The following TMEM108 variants were observed in gnomAD, a reference collection of about 807,000 sequenced individuals.
TMEM108 encodes the protein transmembrane protein 108.
In TMEM108, 12 loss-of-function variants were observed where a neutral mutation model predicts 35.1. That is an observed-to-expected ratio of 0.34 (90% CI 0.22 to 0.55). The LOEUF (loss-of-function observed/expected upper bound fraction) is 0.55, where lower values mean the gene tolerates loss of function less well. Among genes scored for constraint, TMEM108 ranks in the 20% least tolerant of loss-of-function variants. The probability of loss-of-function intolerance (pLI) is 0.89; values close to 1 mark genes in which losing one functional copy is unlikely to be tolerated. For synonymous variants in TMEM108, 287 were observed against 308.6 expected (o/e 0.93, Z 0.73); for missense variants, 680 against 753.3 (o/e 0.90, Z 1.14).
chr3:133,326,208 G>A (rs2071330798), intron 3 of TMEM108, among the ~76,000 whole-genome samples: 1 of 152,194 alleles, frequency 6.6e-6, no homozygotes, highest in Non-Finnish European at 1.5e-5. Context: ...TTGGGGGCAA[G>A]CCTGGGCACA....
At position 133,232,646 on chromosome 3, in the gene TMEM108, G is replaced by T. The variant is rs537196685; in HGVS notation, c.40+3295G>T. 4.6e-5 allele frequency among the ~76,000 whole-genome samples: 7 copies of T among 152,322 alleles called. No homozygotes were observed. In the East Asian group the frequency reaches 1.3e-3, roughly 29 times the overall value. The stretch of plus-strand genomic sequence containing the variant: ...AATCAATAGTCACTGAGGCTTGTAT[G>T]TGCCCAGCTGGGGCTAAGGGATGCA... On this transcript the variant is annotated intron_variant, in intron 3 of 5. Transcript: ENST00000321871.
At chr3:133,362,146 C>A (rs1347002394) in intron 3 of TMEM108, among the ~76,000 whole-genome samples, 1 of 152,184 alleles carries the variant, frequency 6.6e-6, no homozygotes, top group East Asian at 1.9e-4. Context: ...CCCAAGGATA[C>A]TTCCAGGAAA....
intron 2 of TMEM108, among the ~76,000 whole-genome samples, chr3:133,064,709 CTTT>C (rs200166546): frequency 2.8e-5 from 4 of 141,242 alleles, no homozygotes; most frequent in Admixed American, 7.1e-5. Context: ...AGAAATAAAC[CTTT>C]TTTTTTTTTT....
chr3:133,390,147 C>A, intron 4 of TMEM108, 33 bp from the exon 5 acceptor site: 1 of 1,613,218 alleles, frequency 6.2e-7, no homozygotes, highest in Non-Finnish European at 8.5e-7. Flanking sequence ...CTTGCTGCCT[C>A]CCTCTCCTCT....
intron 2 of TMEM108, among the ~76,000 whole-genome samples, chr3:133,063,960 A>G (rs1393872704): frequency 6.6e-6 from 1 of 152,218 alleles, no homozygotes; most frequent in Non-Finnish European, 1.5e-5. Context: ...TTCACCACAT[A>G]GACAGCATTC....
intron 2 of TMEM108, among the ~76,000 whole-genome samples, chr3:133,177,959 A>G (rs530059958): frequency 2.0e-4 from 30 of 152,296 alleles, no homozygotes; most frequent in Admixed American, 1.4e-3. Context: ...GGCAACTTCA[A>G]CAAAGTCTCA....
intron 2 of TMEM108, among the ~76,000 whole-genome samples, chr3:133,131,919 A>T (rs541969774): frequency 4.3e-4 from 66 of 152,316 alleles, no homozygotes; most frequent in Admixed American, 2.7e-3. Context: ...TAGAAGATAG[A>T]TAGATAGATA....
At chr3:133,281,261 GC>G (rs979221016) in intron 3 of TMEM108, among the ~76,000 whole-genome samples, 1 of 152,200 alleles carries the variant, frequency 6.6e-6, no homozygotes. Context: ...TCAGATCAAA[GC>G]GGGAAAATGA....
At chr3:133,220,608 C>T (rs1487287985) in intron 2 of TMEM108, among the ~76,000 whole-genome samples, 1 of 152,050 alleles carries the variant, frequency 6.6e-6, no homozygotes, top group African/African-American at 2.4e-5. Context: ...CCTTTACTCT[C>T]ACACTACTCA....
chr3:133,164,264 C>A (rs573319400), intron 2 of TMEM108, among the ~76,000 whole-genome samples: 2 of 152,242 alleles, frequency 1.3e-5, no homozygotes, highest in African/African-American at 4.8e-5. Flanking sequence ...TGATGGGAGC[C>A]AGGATTTCTT....
intron 2 of TMEM108, among the ~76,000 whole-genome samples, chr3:133,063,882 T>C (rs1043146696): frequency 6.6e-6 from 1 of 152,156 alleles, no homozygotes; most frequent in African/African-American, 2.4e-5. Flanking sequence ...TCCAGGGAAG[T>C]ATAATGAACA....
rs193223805 is a variant in TMEM108 at position 133,201,545 on chromosome 3, A to T, written c.-46-27721A>T. On this transcript the variant is annotated intron_variant, in intron 2 of 5. Coordinates refer to ENST00000321871, the MANE Select transcript of TMEM108 (RefSeq NM_023943.4). ...AACCCCTATTTATGAGTGAGAACAC[A>T]TGGTGTTTGGTTTTCTCTTCCTGCA... 3.3e-5 allele frequency among the ~76,000 whole-genome samples: 5 copies of T among 151,246 alleles called. No individual in the cohort carries two copies. In the East Asian group the frequency reaches 9.7e-4, roughly 29 times the overall value.
At chr3:133,356,641 C>T (rs376387238) in intron 3 of TMEM108, among the ~76,000 whole-genome samples, 10 of 152,064 alleles carry the variant, frequency 6.6e-5, no homozygotes, top group East Asian at 1.9e-4. Context: ...ACCAATGGGA[C>T]GGAATAGAGA....
chr3:133,309,902 G>A (rs1383190904), intron 3 of TMEM108, among the ~76,000 whole-genome samples: 1 of 151,664 alleles, frequency 6.6e-6, no homozygotes, highest in Non-Finnish European at 1.5e-5. Flanking sequence ...GGGTTTCACC[G>A]TTTTAGCCGG....
intron 2 of TMEM108, among the ~76,000 whole-genome samples, chr3:133,228,911 G>T (rs1426851087): frequency 6.6e-6 from 1 of 152,098 alleles, no homozygotes; most frequent in Admixed American, 6.5e-5. Context: ...TGCTTGTTTT[G>T]TGAGCACCTT....
chr3:133,205,402 T>A (rs540844489), intron 2 of TMEM108, among the ~76,000 whole-genome samples: 5 of 152,280 alleles, frequency 3.3e-5, no homozygotes, highest in African/African-American at 1.2e-4. Context: ...GTGGAGTGGA[T>A]GGTCTTTATA....
intron 2 of TMEM108, among the ~76,000 whole-genome samples, chr3:133,080,225 T>C (rs900190679): frequency 6.6e-5 from 10 of 152,302 alleles, no homozygotes; most frequent in African/African-American, 2.2e-4. Context: ...ATGTCCACTG[T>C]CTGCGGCCCC....
chr3:133,106,051 T>C (rs1015951534), intron 2 of TMEM108, among the ~76,000 whole-genome samples: 4 of 151,936 alleles, frequency 2.6e-5, no homozygotes, highest in Non-Finnish European at 4.4e-5. Flanking sequence ...TATAACCTAA[T>C]AGGGGTGAAT....
At chr3:133,352,250 C>T (rs540230620) in intron 3 of TMEM108, among the ~76,000 whole-genome samples, 9 of 152,168 alleles carry the variant, frequency 5.9e-5, no homozygotes, top group East Asian at 1.9e-4. Context: ...AGTTAGAAAA[C>T]GCAGGTTCAA....
Sources: allele counts gnomAD v4.1 joint callset (sites outside exome capture counted in the v4.1 genomes callset), GRCh38; gene constraint gnomAD v4.1.1; transcripts MANE v1.5; gene names NCBI Gene and HGNC (gene_info 2026-07-23, HGNC 2026-07-21).